Variants in SLC39A10 observed in about 807,000 individuals in gnomAD.
The protein encoded by SLC39A10 is zinc transporter ZIP10.
A neutral mutation model predicts 65.1 loss-of-function variants in SLC39A10; 13 were observed. The ratio of observed to expected loss-of-function variants is 0.20; its 90% CI spans 0.13 to 0.32. SLC39A10 has a LOEUF of 0.32. Ranked by LOEUF, SLC39A10 falls within the 10% of genes least tolerant of loss-of-function variation. The pLI, the probability that SLC39A10 is intolerant of heterozygous loss-of-function variation, is 1.00. For synonymous variants in SLC39A10, 321 were observed against 342.2 expected, an observed-to-expected ratio of 0.94 and a Z score of 0.68; for missense variants, 831 against 1,018.4, an observed-to-expected ratio of 0.82 and a Z score of 2.50.
chr2:195,725,458 T>C (rs2105840882), intron 8 of SLC39A10, among the ~76,000 whole-genome samples: 2 of 152,258 alleles, frequency 1.3e-5, no homozygotes, highest in East Asian at 1.9e-4. Context: ...GAAGAAAGTA[T>C]ACAGATGAGA....
At chr2:195,709,111 A>T (rs1691511087) in intron 5 of SLC39A10, among the ~76,000 whole-genome samples, 1 of 151,844 alleles carries the variant, frequency 6.6e-6, no homozygotes, top group Non-Finnish European at 1.5e-5. Flanking sequence ...TGCAACCTTG[A>T]CCTCCTGGGC....
intron 3 of SLC39A10, among the ~76,000 whole-genome samples, chr2:195,686,906 T>G (rs967963106): frequency 6.6e-6 from 1 of 152,258 alleles, no homozygotes. Context: ...GCCAGTTTTA[T>G]AGAATTATTT....
At position 195,633,428 on chromosome 2, in the gene SLC39A10, G is replaced by A. The variant is rs76776528; in HGVS notation, c.-12+27195G>A. 0.018 allele frequency among the ~76,000 whole-genome samples: 2,810 copies of A among 152,326 alleles called. 236 individuals are homozygous for A. The East Asian group carries it at 0.26, about 14-fold the overall frequency. On this transcript the variant is annotated intron_variant, in intron 2 of 2. Coordinates refer to the SLC39A10 transcript ENST00000458054. The stretch of plus-strand genomic sequence containing the variant: ...CGATGACCCCTGAAGCCCCAGAAGA[G>A]TGGTACAGTGAGGCTCTTTTAGTTT...
At chr2:195,665,052 G>A (rs564631172) in intron 1 of SLC39A10, among the ~76,000 whole-genome samples, 2 of 152,136 alleles carry the variant, frequency 1.3e-5, no homozygotes, top group Non-Finnish European at 2.9e-5. Context: ...GGTCGGGCAC[G>A]GTGGCTCACG....
At chr2:195,624,157 G>A (rs528739786) in intron 2 of SLC39A10, among the ~76,000 whole-genome samples, 2 of 152,046 alleles carry the variant, frequency 1.3e-5, no homozygotes, top group African/African-American at 2.4e-5. Flanking sequence ...AGGCCGAGGC[G>A]GGTGAATCAC....
chr2:195,638,477 C>G (rs943718453), intron 2 of SLC39A10, among the ~76,000 whole-genome samples: 3 of 151,932 alleles, frequency 2.0e-5, no homozygotes, highest in Admixed American at 6.6e-5. Flanking sequence ...GTAGCTGAGA[C>G]TACAGGCACC....
intron 3 of SLC39A10, among the ~76,000 whole-genome samples, chr2:195,700,454 T>C (rs1441984705): frequency 6.6e-6 from 1 of 152,264 alleles, no homozygotes; most frequent in African/African-American, 2.4e-5. Context: ...AACAGTCTAA[T>C]TTGAATTTAT....
chr2:195,686,776 C>T (rs553450258), intron 3 of SLC39A10, among the ~76,000 whole-genome samples: 1 of 152,184 alleles, frequency 6.6e-6, no homozygotes, highest in African/African-American at 2.4e-5. Flanking sequence ...ATAGTATTCT[C>T]CTTCTACAAC....
chr2:195,618,451 T>C (rs1046211711), intron 2 of SLC39A10, among the ~76,000 whole-genome samples: 5 of 151,682 alleles, frequency 3.3e-5, no homozygotes, highest in African/African-American at 7.3e-5. Context: ...AAGTAAGTCA[T>C]AGAGTACCAA....
intron 8 of SLC39A10, among the ~76,000 whole-genome samples, chr2:195,725,298 C>T (rs2165059): frequency 0.49 from 75,003 of 151,884 alleles, 19,173 homozygotes; most frequent in Non-Finnish European, 0.57. Context: ...AAATTAAAAA[C>T]TCTTCACAAA....
intron 2 of SLC39A10, among the ~76,000 whole-genome samples, chr2:195,640,215 G>A (rs953396697): frequency 4.0e-5 from 6 of 151,818 alleles, no homozygotes; most frequent in African/African-American, 1.5e-4. Context: ...AGGCAGTTAA[G>A]TAGCACCTTA....
At chr2:195,668,188 A>G (rs1479694102) in intron 1 of SLC39A10, among the ~76,000 whole-genome samples, 1 of 152,198 alleles carries the variant, frequency 6.6e-6, no homozygotes, top group East Asian at 1.9e-4. Context: ...ATATTTGACT[A>G]CCTACATTGC....
chr2:195,684,834 T>G (rs1690462695), intron 3 of SLC39A10, among the ~76,000 whole-genome samples: 1 of 152,158 alleles, frequency 6.6e-6, no homozygotes, highest in Non-Finnish European at 1.5e-5. Context: ...CTTTCTAAAA[T>G]GCAAAGAGAT....
chr2:195,640,199 G>A (rs115755363), intron 2 of SLC39A10, among the ~76,000 whole-genome samples: 112 of 152,180 alleles, frequency 7.4e-4, no homozygotes, highest in African/African-American at 2.7e-3. Flanking sequence ...AGAAGTGGAA[G>A]CACAAAGGCA....
intron 2 of SLC39A10, among the ~76,000 whole-genome samples, chr2:195,639,163 G>C (rs535774248): frequency 4.6e-5 from 7 of 152,208 alleles, no homozygotes; most frequent in African/African-American, 1.7e-4. Flanking sequence ...TGTTGCCCAG[G>C]CTGGTGGTGA....
At chr2:195,701,337 CTTT>C (rs35540908) in intron 3 of SLC39A10, among the ~76,000 whole-genome samples, 7 of 105,916 alleles carry the variant, frequency 6.6e-5, no homozygotes, top group Non-Finnish European at 9.4e-5. Flanking sequence ...ATCTTCTTGA[CTTT>C]TTTTTTTTTT....
chr2:195,657,624 G>T (rs1026057720), intron 1 of SLC39A10: 1 of 985,190 alleles, frequency 1.0e-6, no homozygotes, highest in Non-Finnish European at 1.2e-6. Flanking sequence ...GCGGAGCCTC[G>T]CGGGCCGCGC....
intron 9 of SLC39A10, among the ~76,000 whole-genome samples, chr2:195,732,886 T>TCGG (rs1242133905): frequency 5.1e-4 from 78 of 152,340 alleles, no homozygotes; most frequent in African/African-American, 1.7e-3. Context: ...ATGGCCAGAT[T>TCGG]CAGCATGGTT....
At chr2:195,687,507 A>G (rs1240071520) in intron 3 of SLC39A10, among the ~76,000 whole-genome samples, 2 of 152,224 alleles carry the variant, frequency 1.3e-5, no homozygotes, top group African/African-American at 2.4e-5. Flanking sequence ...GAAAAGCCTT[A>G]GAGGAAATTG....
Sources: allele counts gnomAD v4.1 joint callset (sites outside exome capture counted in the v4.1 genomes callset), GRCh38; gene constraint gnomAD v4.1.1; transcripts MANE v1.5; gene names NCBI Gene and HGNC (gene_info 2026-07-23, HGNC 2026-07-21).